The following DTL variants were observed in gnomAD, a reference collection of about 807,000 sequenced individuals.
The protein encoded by DTL is denticleless E3 ubiquitin protein ligase adapter.
In DTL, 46 loss-of-function variants were observed where a neutral mutation model predicts 87.0. The observed-to-expected ratio is 0.53, with a 90% confidence interval of 0.42 to 0.68. DTL has a LOEUF of 0.68. Ranked by LOEUF, DTL falls within the 30% of genes least tolerant of loss-of-function variation. The pLI is 0.00. For synonymous variants in DTL, 308 were observed against 311.2 expected (o/e 0.99, Z 0.11); for missense variants, 737 against 869.4 (o/e 0.85, Z 1.91).
intron 13 of DTL, among the ~76,000 whole-genome samples, chr1:212,081,102 A>G (rs1654979592): frequency 3.3e-5 from 5 of 152,222 alleles, no homozygotes; most frequent in East Asian, 1.9e-4. Context: ...ATAAAAAAGT[A>G]AAATATATAC....
At chr1:212,063,840 T>G (rs1009319077) in intron 6 of DTL, among the ~76,000 whole-genome samples, 19 of 152,040 alleles carry the variant, frequency 1.2e-4, no homozygotes, top group Admixed American at 1.2e-3. Context: ...CAAACATTTA[T>G]CTTTTCTTTG....
Position 212,068,272 on chromosome 1 carries a change from A to G in DTL, c.762A>G (p.Gln254=), listed in dbSNP as rs1447970470. 1 of 1,612,666 alleles carries G rather than the reference A, an allele frequency of 6.2e-7. No homozygotes were observed. Among genetic ancestry groups the G allele is most frequent in the Non-Finnish European group, 8.5e-7 (1 of 1,179,572 alleles). Residue 254 remains glutamine, a synonymous_variant, in exon 9 of 15, where the codon CAA becomes CAG. Transcript: ENST00000366991. ...GTAAGAATTATACTGCTTATCGACA[A>G]GAACCCATAGCATCCAAGTCTTTCC... ...DLRKNYTAYR[Q]EPIASKSFLY...
At chr1:212,077,326 A>G (rs991406720) in intron 11 of DTL, among the ~76,000 whole-genome samples, 8 of 152,282 alleles carry the variant, frequency 5.3e-5, no homozygotes, top group Admixed American at 5.2e-4. Flanking sequence ...AAATGTACAT[A>G]ACTGGTGGCA....
intron 5 of DTL, among the ~76,000 whole-genome samples, chr1:212,047,892 G>A (rs1667853147): frequency 1.3e-5 from 2 of 152,160 alleles, no homozygotes; most frequent in South Asian, 4.1e-4. Flanking sequence ...TTGGTTTTAG[G>A]CCCACTCTTC....
chr1:212,089,118 T>G (rs968590009), intron 13 of DTL, among the ~76,000 whole-genome samples: 7 of 152,152 alleles, frequency 4.6e-5, no homozygotes, highest in Non-Finnish European at 8.8e-5. Flanking sequence ...AAACTGTTAG[T>G]AGACTCTGTA....
intron 13 of DTL, among the ~76,000 whole-genome samples, chr1:212,088,954 C>G (rs763992262): frequency 3.9e-5 from 6 of 152,162 alleles, no homozygotes; most frequent in Non-Finnish European, 7.4e-5. Flanking sequence ...GGCATGGTGG[C>G]ACACGCCTGT....
chr1:212,061,032 A>G (rs1483334745), intron 5 of DTL, among the ~76,000 whole-genome samples: 1 of 152,222 alleles, frequency 6.6e-6, no homozygotes, highest in East Asian at 1.9e-4. Flanking sequence ...ACAACTCAAC[A>G]GTAGAAAAGA....
In DTL at chr1:212,068,246, C is replaced by T. The variant is rs1287076244; in HGVS notation, c.736C>T (p.Arg246Cys). ...VDGIIKVWDL[R>C]KNYTAYRQEP... Reference sequence around the variant, plus strand: ...TAGGATAATCAAAGTATGGGATTTACGTAAGAATTATACTGCTTATCGACA... The same window carrying T: ...TAGGATAATCAAAGTATGGGATTTATGTAAGAATTATACTGCTTATCGACA... The change falls in exon 9 of 15, where the codon CGT (arginine) becomes TGT (cysteine). Residue 246 changes from arginine to cysteine, a missense_variant. Transcript: ENST00000366991. 3.1e-6 allele frequency: 5 copies of T among 1,606,724 alleles called. No homozygotes were observed. Among genetic ancestry groups the T allele is most frequent in the Admixed American group, 1.7e-5 (1 of 58,066 alleles).
chr1:212,082,414 G>T (rs914483647), intron 13 of DTL, among the ~76,000 whole-genome samples: 1 of 152,154 alleles, frequency 6.6e-6, no homozygotes, highest in African/African-American at 2.4e-5. Context: ...AGTTTGCTGG[G>T]GTTTTTTTAA....
At chr1:212,086,077 CAAG>C (rs1655120945) in intron 13 of DTL, among the ~76,000 whole-genome samples, 1 of 152,108 alleles carries the variant, frequency 6.6e-6, no homozygotes, top group Non-Finnish European at 1.5e-5. Context: ...TCTTTTATTT[CAAG>C]ATTGTCTCGA....
chr1:212,062,513 A>G (rs1187096689), intron 5 of DTL, among the ~76,000 whole-genome samples: 1 of 152,194 alleles, frequency 6.6e-6, no homozygotes, highest in Non-Finnish European at 1.5e-5. Context: ...CTTACCTAAT[A>G]AGGTTGATAG....
At chr1:212,046,724 C>A (rs1228665383) in intron 3 of DTL, among the ~76,000 whole-genome samples, 1 of 152,090 alleles carries the variant, frequency 6.6e-6, no homozygotes, top group East Asian at 1.9e-4. Flanking sequence ...ATGTCTTTGC[C>A]ATTGTGAATA....
chr1:212,054,182 G>T (rs776808215), intron 5 of DTL, among the ~76,000 whole-genome samples: 1 of 152,102 alleles, frequency 6.6e-6, no homozygotes, highest in African/African-American at 2.4e-5. Flanking sequence ...TGGTACAGGG[G>T]TCAGCCAGAG....
chr1:212,066,893 T>C lies in DTL; in HGVS notation c.713+8T>C, dbSNP rs1422242749. 3.7e-6 allele frequency: 6 copies of C among 1,610,060 alleles called. No homozygotes were observed. The highest frequency in any genetic ancestry group is 5.1e-6 in the Non-Finnish European group (6 of 1,176,956). On this transcript the variant is annotated splice_region_variant and intron_variant, in intron 8 of 14. Coordinates refer to ENST00000366991, the MANE Select transcript of DTL (RefSeq NM_016448.4). ...AGCAGGAGCTGTGGATGGGTAAGAGTCTATTTCTTTTTTCTTCCGACGAGA... is the reference window on the plus strand; with the variant it reads ...AGCAGGAGCTGTGGATGGGTAAGAGCCTATTTCTTTTTTCTTCCGACGAGA...
At chr1:212,095,274 C>A (rs1655411704) in intron 13 of DTL, among the ~76,000 whole-genome samples, 1 of 152,138 alleles carries the variant, frequency 6.6e-6, no homozygotes, top group Non-Finnish European at 1.5e-5. Flanking sequence ...TCCTTCTATG[C>A]TGATTTTGCT....
intron 1 of DTL, among the ~76,000 whole-genome samples, chr1:212,036,839 C>A (rs1667482963): frequency 6.6e-6 from 1 of 152,142 alleles, no homozygotes; most frequent in African/African-American, 2.4e-5. Flanking sequence ...GCCAGAGGTT[C>A]TTTTTCCCCT....
intron 1 of DTL, among the ~76,000 whole-genome samples, chr1:212,041,039 G>A (rs1667624745): frequency 6.6e-6 from 1 of 152,194 alleles, no homozygotes. Context: ...TGGAATATGT[G>A]CATGTAACTC....
intron 13 of DTL, among the ~76,000 whole-genome samples, chr1:212,082,654 G>A (rs1466533306): frequency 1.3e-5 from 2 of 152,130 alleles, no homozygotes; most frequent in Non-Finnish European, 1.5e-5. Flanking sequence ...GGAGAGAGGT[G>A]GAGAGATGAG....
chr1:212,035,958 A>C lies in DTL; in HGVS notation c.52+16A>C, dbSNP rs1667437398. On this transcript the variant is annotated intron_variant, in intron 1 of 14. Transcript: ENST00000366991. Reference sequence around the variant, plus strand: ...CTGAGAAATGGTGAGTAACGGTCCCAACCGCTGCTCGGAGCTGGCGGAATT... The same window carrying C: ...CTGAGAAATGGTGAGTAACGGTCCCCACCGCTGCTCGGAGCTGGCGGAATT... The C allele has an allele frequency of 4.3e-6, 7 of 1,613,298 alleles. No individual in the cohort carries two copies. The highest frequency in any genetic ancestry group is 5.9e-6 in the Non-Finnish European group (7 of 1,179,380).
Sources: allele counts gnomAD v4.1 joint callset (sites outside exome capture counted in the v4.1 genomes callset), GRCh38; gene constraint gnomAD v4.1.1; transcripts MANE v1.5; gene names NCBI Gene and HGNC (gene_info 2026-07-23, HGNC 2026-07-21).